BORCS5: variants seen among roughly 807,000 people sequenced by gnomAD.
BORCS5 encodes the protein BLOC-1-related complex subunit 5.
In BORCS5, 17 loss-of-function variants were observed where a neutral mutation model predicts 22.1. The ratio of observed to expected loss-of-function variants is 0.77; its 90% CI spans 0.53 to 1.15. The LOEUF (loss-of-function observed/expected upper bound fraction) is 1.15, where lower values mean the gene tolerates loss of function less well. BORCS5 is among the 50% of genes most tolerant of loss of function. The pLI is 0.00. For synonymous variants in BORCS5, 117 were observed against 99.8 expected (o/e 1.17, Z -1.03); for missense variants, 247 against 253.2 (o/e 0.98, Z 0.17).
At chr12:12,438,147 T>G (rs1194681827) in intron 3 of BORCS5, among the ~76,000 whole-genome samples, 1 of 151,650 alleles carries the variant, frequency 6.6e-6, no homozygotes, top group Non-Finnish European at 1.5e-5. Context: ...TTTTAAAAAG[T>G]CCTTTAAGTT....
intron 2 of BORCS5, among the ~76,000 whole-genome samples, chr12:12,394,816 T>C (rs979798288): frequency 7.9e-5 from 12 of 152,132 alleles, no homozygotes; most frequent in Non-Finnish European, 1.8e-4. Context: ...TGCCAAGTGC[T>C]ACACTGGTTG....
Position 12,362,524 on chromosome 12 carries a change from A to G in BORCS5, c.202+1175A>G, listed in dbSNP as rs143619337. 1.4e-3 allele frequency among the ~76,000 whole-genome samples: 218 copies of G among 151,438 alleles called. 3 individuals are homozygous for G. In the South Asian group the frequency reaches 0.031, roughly 22 times the overall value. On this transcript the variant is annotated intron_variant, in intron 2 of 3. Transcript: ENST00000314565. ...GGTGTGCTGCACCCATTAACTCGTC[A>G]TTCACATTAGGTATATCTCCTAATC... is the stretch of plus-strand genomic sequence containing the variant.
chr12:12,456,664 G>C (rs976981555), intron 3 of BORCS5, among the ~76,000 whole-genome samples: 4 of 152,132 alleles, frequency 2.6e-5, no homozygotes, highest in East Asian at 3.9e-4. Flanking sequence ...ATATTGGATA[G>C]CATCAAACAG....
At chr12:12,452,829 A>G (rs1479413298) in intron 3 of BORCS5, among the ~76,000 whole-genome samples, 1 of 152,246 alleles carries the variant, frequency 6.6e-6, no homozygotes, top group Non-Finnish European at 1.5e-5. Context: ...CAGAAAGCAC[A>G]TAGTTGACCC....
At chr12:12,362,507 G>A (rs971348776) in intron 2 of BORCS5, among the ~76,000 whole-genome samples, 3 of 151,964 alleles carry the variant, frequency 2.0e-5, no homozygotes, top group Admixed American at 6.6e-5. Context: ...TTGGTGTGCT[G>A]CACCCATTAA....
rs367596619 is a variant in BORCS5, at chr12:12,465,816, C to T, written c.*40C>T. ...GCCTGGGGCTGGGAGCCCCAGACAC[C>T]GACACCCTGAGGACGTGTGGAGCTA... is the stretch of plus-strand genomic sequence containing the variant. On this transcript the variant is annotated 3_prime_UTR_variant, in exon 4 of 4. Coordinates refer to ENST00000314565, the MANE Select transcript of BORCS5 (RefSeq NM_058169.6). The T allele has an allele frequency of 1.0e-5, 16 of 1,539,124 alleles. No individual in the cohort carries two copies. Among genetic ancestry groups the T allele is most frequent in the Admixed American group, 6.9e-5 (4 of 57,578 alleles).
At chr12:12,382,226 T>C (rs896363966) in intron 2 of BORCS5, among the ~76,000 whole-genome samples, 10 of 151,192 alleles carry the variant, frequency 6.6e-5, no homozygotes, top group Non-Finnish European at 3.0e-5. Flanking sequence ...CTCAGAAAAC[T>C]TTCAATCATG....
intron 2 of BORCS5, among the ~76,000 whole-genome samples, chr12:12,383,921 A>G (rs1416567954): frequency 1.3e-5 from 2 of 150,868 alleles, no homozygotes; most frequent in African/African-American, 2.4e-5. Flanking sequence ...ATGTGTTGGC[A>G]TGTTTGTTGT....
At chr12:12,358,104 AG>A (rs1283014603) in intron 1 of BORCS5, among the ~76,000 whole-genome samples, 20 of 152,352 alleles carry the variant, frequency 1.3e-4, no homozygotes, top group African/African-American at 3.4e-4. Context: ...GTTTGAGACA[AG>A]AATGGGAGGA....
At chr12:12,373,601 G>A (rs897717523) in intron 2 of BORCS5, among the ~76,000 whole-genome samples, 7 of 152,184 alleles carry the variant, frequency 4.6e-5, no homozygotes, top group African/African-American at 1.7e-4. Context: ...TTTTCTGTCC[G>A]ATACCAGTTT....
intron 3 of BORCS5, among the ~76,000 whole-genome samples, chr12:12,459,608 C>T (rs1943065914): frequency 6.6e-6 from 1 of 152,218 alleles, no homozygotes; most frequent in African/African-American, 2.4e-5. Context: ...CTGAGTCCAG[C>T]CAAGGTAGCA....
chr12:12,378,696 A>T (rs892852025), intron 2 of BORCS5, among the ~76,000 whole-genome samples: 2 of 151,228 alleles, frequency 1.3e-5, no homozygotes, highest in African/African-American at 2.4e-5. Context: ...GGCACATTTG[A>T]ATAGTTGTGT....
chr12:12,433,838 G>T (rs544857823), intron 2 of BORCS5, among the ~76,000 whole-genome samples: 1 of 152,154 alleles, frequency 6.6e-6, no homozygotes, highest in African/African-American at 2.4e-5. Context: ...TGAGAGCATC[G>T]ACCAGCATTT....
intron 3 of BORCS5, among the ~76,000 whole-genome samples, chr12:12,436,324 G>A (rs1390060891): frequency 6.6e-6 from 1 of 152,228 alleles, no homozygotes; most frequent in Non-Finnish European, 1.5e-5. Flanking sequence ...AAGAAGCAAT[G>A]TAATTCATGT....
At position 12,467,528 on chromosome 12, in the gene BORCS5, A is replaced by G. The variant is rs922442473; in HGVS notation, c.*1752A>G. On this transcript the variant is annotated 3_prime_UTR_variant, in exon 4 of 4. Transcript: ENST00000314565. Reference sequence around the variant, plus strand: ...TTCTAAAGTAGAAGTTAGACAAAACATGGGGTTCACTTAGACTGGGGTCCT... The same window carrying G: ...TTCTAAAGTAGAAGTTAGACAAAACGTGGGGTTCACTTAGACTGGGGTCCT... 1.3e-5 allele frequency: 2 copies of G among 152,272 alleles called. No individual in the cohort carries two copies. Among genetic ancestry groups the G allele is most frequent in the African/African-American group, 4.8e-5 (2 of 41,466 alleles). The allele number at this position is 152,272 out of a possible 1,614,324, so 9.4% of individuals were successfully genotyped here. A position where few individuals can be genotyped will look rare whatever the true frequency, so the allele number is the denominator to read the frequency against.
chr12:12,424,050 G>C (rs1047849784), intron 2 of BORCS5, among the ~76,000 whole-genome samples: 1 of 151,992 alleles, frequency 6.6e-6, no homozygotes, highest in Non-Finnish European at 1.5e-5. Context: ...TTTTGAGTTT[G>C]TTGAGCTTCT....
chr12:12,446,280 T>C lies in BORCS5; in HGVS notation c.360+10495T>C, dbSNP rs181815531. Among the ~76,000 whole-genome samples, 16 of 151,836 alleles carry C rather than the reference T, an allele frequency of 1.1e-4. 1 individual carries two copies. The highest frequency in any genetic ancestry group is 3.9e-4 in the African/African-American group (16 of 41,440). ...AGAATAAAAAAAAAAAGTAAGGGGA[T>C]ATAAAATGTCAGTAGGGTAGAAATT... On this transcript the variant is annotated intron_variant, in intron 3 of 3. Coordinates refer to ENST00000314565, the MANE Select transcript of BORCS5 (RefSeq NM_058169.6).
chr12:12,428,197 T>C (rs1021778448), intron 2 of BORCS5, among the ~76,000 whole-genome samples: 9 of 152,242 alleles, frequency 5.9e-5, no homozygotes, highest in African/African-American at 1.9e-4. Flanking sequence ...TAGGCTAAGC[T>C]AATAGCCATA....
intron 2 of BORCS5, among the ~76,000 whole-genome samples, chr12:12,371,160 G>A (rs555393352): frequency 3.3e-5 from 5 of 152,160 alleles, no homozygotes; most frequent in East Asian, 3.9e-4. Flanking sequence ...CTCTAGAATC[G>A]GGTATTTCTT....
Sources: allele counts gnomAD v4.1 joint callset (sites outside exome capture counted in the v4.1 genomes callset), GRCh38; gene constraint gnomAD v4.1.1; transcripts MANE v1.5; gene names NCBI Gene and HGNC (gene_info 2026-07-23, HGNC 2026-07-21).